COL22A1: variants seen among roughly 807,000 people sequenced by gnomAD.
The protein encoded by COL22A1 is collagen alpha-1(XXII) chain.
Under a neutral mutation model 248.9 loss-of-function variants are expected in COL22A1, and 221 were observed. That is an observed-to-expected ratio of 0.89 (90% CI 0.80 to 0.99). The LOEUF (loss-of-function observed/expected upper bound fraction) is 0.99. Ranked by LOEUF, COL22A1 falls within the 50% of genes least tolerant of loss-of-function variation. The probability of loss-of-function intolerance (pLI) is 0.00; values close to 1 mark genes in which losing one functional copy is unlikely to be tolerated. For synonymous variants in COL22A1, 891 were observed against 793.4 expected, an observed-to-expected ratio of 1.12 and a Z score of -2.07; for missense variants, 2,240 against 2,179.0, an observed-to-expected ratio of 1.03 and a Z score of -0.56.
intron 7 of COL22A1, among the ~76,000 whole-genome samples, chr8:138,815,361 T>C (rs1158105023): frequency 6.6e-6 from 1 of 152,156 alleles, no homozygotes; most frequent in Non-Finnish European, 1.5e-5. Context: ...CAGTGCTGCC[T>C]TCTCAAGCAC....
At chr8:138,738,189 C>T (rs1262245117) in intron 22 of COL22A1, among the ~76,000 whole-genome samples, 1 of 152,180 alleles carries the variant, frequency 6.6e-6, no homozygotes. Context: ...ACCCCCTCCT[C>T]GTGGCTAGGT....
At chr8:138,689,382 A>G (rs1176771964) in intron 36 of COL22A1, among the ~76,000 whole-genome samples, 4 of 152,166 alleles carry the variant, frequency 2.6e-5, no homozygotes, top group African/African-American at 9.6e-5. Flanking sequence ...ACTTTGAGAC[A>G]TGGTTTAAGT....
chr8:138,690,980 G>T, intron 35 of COL22A1, 106 bp from the exon 36 acceptor site: 1 of 860,178 alleles, frequency 1.2e-6, no homozygotes, highest in Non-Finnish European at 1.7e-6. Context: ...CAATGTGCTG[G>T]AACTGCTGCT....
chr8:138,655,645 G>C (rs952524899), intron 45 of COL22A1, among the ~76,000 whole-genome samples: 1 of 152,278 alleles, frequency 6.6e-6, no homozygotes, highest in East Asian at 1.9e-4. Context: ...ATAGGGGTGA[G>C]CCACTGTGCC....
At chr8:138,808,908 A>G (rs1191861888) in intron 9 of COL22A1, among the ~76,000 whole-genome samples, 1 of 152,232 alleles carries the variant, frequency 6.6e-6, no homozygotes, top group Non-Finnish European at 1.5e-5. Flanking sequence ...GTTTGCTTAT[A>G]GAGATGCAAC....
intron 7 of COL22A1, 42 bp downstream of exon 7, chr8:138,821,094 G>C: frequency 6.3e-7 from 1 of 1,599,864 alleles, no homozygotes; most frequent in Non-Finnish European, 8.5e-7. Flanking sequence ...CTTCTCCCCG[G>C]TGGCCTGGAA....
intron 36 of COL22A1, 53 bp downstream of exon 36, chr8:138,690,768 C>T (rs574906388): frequency 4.8e-5 from 70 of 1,461,386 alleles, no homozygotes; most frequent in Non-Finnish European, 6.4e-5. Context: ...GGGGAGGATA[C>T]ATTAACTAGC....
chr8:138,875,374 G>A (rs551513828), intron 3 of COL22A1, among the ~76,000 whole-genome samples: 1 of 152,064 alleles, frequency 6.6e-6, no homozygotes, highest in Non-Finnish European at 1.5e-5. Flanking sequence ...AGCCATCCCT[G>A]GGCATGAAGC....
At chr8:138,762,392 A>G (rs1213530332) in intron 17 of COL22A1, 21 bp downstream of exon 17, 3 of 1,613,376 alleles carry the variant, frequency 1.9e-6, no homozygotes, top group Middle Eastern at 1.7e-4. Context: ...ACCTAGCCCA[A>G]CAGCGCCAGC....
chr8:138,768,524 C>G (rs149518648), intron 16 of COL22A1, among the ~76,000 whole-genome samples: 1 of 152,206 alleles, frequency 6.6e-6, no homozygotes, highest in African/African-American at 2.4e-5. Context: ...GCAATCACAA[C>G]GGACTCGTTT....
chr8:138,861,504 A>C (rs766613100), intron 3 of COL22A1, among the ~76,000 whole-genome samples: 31 of 152,200 alleles, frequency 2.0e-4, no homozygotes, highest in Non-Finnish European at 3.4e-4. Flanking sequence ...GACATCCTGC[A>C]GGACTCAACG....
intron 5 of COL22A1, among the ~76,000 whole-genome samples, chr8:138,830,783 T>C (rs79580440): frequency 0.015 from 2,240 of 152,284 alleles, 44 homozygotes; most frequent in African/African-American, 0.051. Flanking sequence ...TAAAGTTCCA[T>C]GTGATTTTTT....
intron 21 of COL22A1, among the ~76,000 whole-genome samples, chr8:138,754,629 A>C (rs1229192083): frequency 6.6e-6 from 1 of 152,208 alleles, no homozygotes; most frequent in Non-Finnish European, 1.5e-5. Context: ...AACTCACATC[A>C]TAAGATAATC....
chr8:138,824,796 G>A lies in COL22A1; in HGVS notation c.969+1862C>T, dbSNP rs541095020. 5.5e-4 allele frequency among the ~76,000 whole-genome samples: 84 copies of A among 152,310 alleles called. No individual in the cohort carries two copies. The East Asian group carries it at 7.7e-3, about 14-fold the overall frequency. ...TGTCTAGCCAGTATTTCCCCAGGGC[G>A]TGGAAGTGCGCATCATTGGCACTTC... is the stretch of plus-strand genomic sequence containing the variant. On this transcript the variant is annotated intron_variant, in intron 6 of 64. Transcript: ENST00000303045.
intron 24 of COL22A1, among the ~76,000 whole-genome samples, chr8:138,725,186 G>A (rs1043569575): frequency 2.6e-5 from 4 of 152,244 alleles, no homozygotes; most frequent in African/African-American, 9.6e-5. Context: ...ATTAGCTCCA[G>A]TGATACTCTA....
chr8:138,909,006 C>T (rs115201251), intron 1 of COL22A1, among the ~76,000 whole-genome samples: 6 of 152,260 alleles, frequency 3.9e-5, no homozygotes, highest in African/African-American at 1.4e-4. Context: ...AATCCAGTCA[C>T]CAGATGAGGA....
intron 3 of COL22A1, among the ~76,000 whole-genome samples, chr8:138,875,260 C>T (rs1823628636): frequency 6.6e-6 from 1 of 152,086 alleles, no homozygotes; most frequent in Admixed American, 6.6e-5. Context: ...GGGGAGAGGC[C>T]TGGAGTCTGA....
chr8:138,785,239 G>A (rs1011555157), intron 12 of COL22A1, among the ~76,000 whole-genome samples: 6 of 152,222 alleles, frequency 3.9e-5, no homozygotes, highest in Admixed American at 1.3e-4. Flanking sequence ...GAAGCTCTGC[G>A]TGGAGCCAGG....
chr8:138,690,740 C>T, intron 36 of COL22A1, 81 bp downstream of exon 36: 1 of 1,150,690 alleles, frequency 8.7e-7, no homozygotes, highest in Non-Finnish European at 1.2e-6. Flanking sequence ...TCCCATGTAT[C>T]CTACGCCTCT....
Sources: gnomAD v4.1 joint callset for allele counts (sites outside exome capture counted in the v4.1 genomes callset) on GRCh38, gnomAD v4.1.1 for gene constraint, MANE v1.5 for transcripts, NCBI Gene and HGNC (gene_info 2026-07-23, HGNC 2026-07-21) for gene names.